Variants in COL4A4 observed in about 807,000 individuals in gnomAD.
The protein encoded by COL4A4 is collagen type IV alpha 4 chain.
In COL4A4, 105 loss-of-function variants were observed where a neutral mutation model predicts 192.9. That is an observed-to-expected ratio of 0.54 (90% CI 0.46 to 0.64). The LOEUF is 0.64. Among genes scored for constraint, COL4A4 ranks in the 30% least tolerant of loss-of-function variants. The pLI, the probability that COL4A4 is intolerant of heterozygous loss-of-function variation, is 0.00. For missense variants in COL4A4, 1,967 were observed against 2,169.3 expected (o/e 0.91, Z 1.85); for synonymous variants, 762 against 769.9 (o/e 0.99, Z 0.17).
At chr2:227,056,832 G>A (rs1196886257) in intron 29 of COL4A4, among the ~76,000 whole-genome samples, 1 of 152,226 alleles carries the variant, frequency 6.6e-6, no homozygotes, top group Non-Finnish European at 1.5e-5. Flanking sequence ...CCATCTGCCT[G>A]TGAGGACACA....
At chr2:227,009,205 C>A (rs1306429659) in intron 46 of COL4A4, among the ~76,000 whole-genome samples, 1 of 152,222 alleles carries the variant, frequency 6.6e-6, no homozygotes, top group African/African-American at 2.4e-5. Context: ...CAGGCTTGCA[C>A]TCTTTGACTA....
At chr2:227,129,768 T>G (rs1005304529) in intron 4 of COL4A4, among the ~76,000 whole-genome samples, 2 of 152,238 alleles carry the variant, frequency 1.3e-5, no homozygotes, top group African/African-American at 4.8e-5. Flanking sequence ...CTCAGCATCT[T>G]GACCACTGTC....
intron 25 of COL4A4, among the ~76,000 whole-genome samples, chr2:227,067,456 C>A (rs2058418783): frequency 6.6e-6 from 1 of 152,198 alleles, no homozygotes; most frequent in African/African-American, 2.4e-5. Context: ...AAATTGACCA[C>A]ATACTTGGAA....
chr2:226,969,113 T>C, the COL4A4 span: 1 of 185,746 alleles, frequency 5.4e-6, no homozygotes, highest in South Asian at 1.3e-4. Flanking sequence ...ACTCTTCCCA[T>C]GTCAGAACAC....
At chr2:227,161,207 G>C (rs1183683676) in intron 1 of COL4A4, among the ~76,000 whole-genome samples, 1 of 152,180 alleles carries the variant, frequency 6.6e-6, no homozygotes, top group Non-Finnish European at 1.5e-5. Context: ...TTCAACATCA[G>C]TAAAGAACAC....
At chr2:227,058,675 C>A (rs1345337122) in intron 28 of COL4A4, among the ~76,000 whole-genome samples, 3 of 152,152 alleles carry the variant, frequency 2.0e-5, no homozygotes, top group Non-Finnish European at 4.4e-5. Flanking sequence ...TCACCATCAC[C>A]CAAGAGGCCC....
At position 227,022,618 on chromosome 2, in the gene COL4A4, A is replaced by T. The variant is rs115132685; in HGVS notation, c.4091-445T>A. 2,524 of 512,318 alleles carry T rather than the reference A, an allele frequency of 4.9e-3. 29 individuals carry two copies. The highest frequency in any genetic ancestry group is 0.045 in the African/African-American group (2,341 of 51,456). 31.7% of individuals were successfully genotyped at this position (512,318 alleles called of 1,614,324 possible). A position where few individuals can be genotyped will look rare whatever the true frequency, so the allele number is the denominator to read the frequency against. On this transcript the variant is annotated intron_variant, in intron 43 of 47. Coordinates refer to ENST00000396625, the MANE Select transcript of COL4A4 (RefSeq NM_000092.5). ...TGAGTCCTTACTCTACACTGCAGCC[A>T]CGTGGGTTTCCATAGTGTCAGTCAC...
Position 227,123,486 on chromosome 2 carries a change from G to A in COL4A4, c.193-2338C>T, listed in dbSNP as rs1027629307. ...AGGTCAGGAACAGAGCGCGACCCAC[G>A]GAAGTGAAGGCAGCCAAGAAAGGGG... On this transcript the variant is annotated intron_variant, in intron 4 of 47. Coordinates refer to ENST00000396625, the MANE Select transcript of COL4A4 (RefSeq NM_000092.5). The surrounding 1 kb of genome is among the most constrained non-coding windows in gnomAD (Gnocchi z 4.6). 2.6e-5 allele frequency among the ~76,000 whole-genome samples: 4 copies of A among 152,210 alleles called. No homozygotes were observed. The highest frequency in any genetic ancestry group is 9.6e-5 in the African/African-American group (4 of 41,462).
chr2:227,032,706 G>A (rs78528488), intron 38 of COL4A4, among the ~76,000 whole-genome samples: 9 of 152,276 alleles, frequency 5.9e-5, no homozygotes, highest in African/African-American at 2.2e-4. Flanking sequence ...TAATCTATTT[G>A]GAGGATCTAC....
intron 7 of COL4A4, among the ~76,000 whole-genome samples, chr2:227,117,991 AG>A (rs2061581075): frequency 6.6e-6 from 1 of 152,216 alleles, no homozygotes; most frequent in Admixed American, 6.5e-5. Flanking sequence ...GGAAGGCAGA[AG>A]TTTGGAAGAG....
At chr2:227,145,552 C>T (rs2063496039) in intron 2 of COL4A4, among the ~76,000 whole-genome samples, 1 of 152,208 alleles carries the variant, frequency 6.6e-6, no homozygotes, top group Non-Finnish European at 1.5e-5. Context: ...CTTAAAACAG[C>T]TGTGGTTAGA....
the COL4A4 span, among the ~76,000 whole-genome samples, chr2:226,995,030 CAGA>C: frequency 1.3e-5 from 2 of 151,526 alleles, no homozygotes; most frequent in Non-Finnish European, 2.9e-5. Context: ...AAAGGCTGAT[CAGA>C]AGAAGCCAAA....
Position 227,003,004 on chromosome 2 carries a change from A to T in COL4A4, c.*4321T>A, listed in dbSNP as rs1367322676. 1 of 152,682 alleles carries T rather than the reference A, an allele frequency of 6.5e-6. No homozygotes were observed. Among genetic ancestry groups the T allele is most frequent in the Non-Finnish European group, 1.5e-5 (1 of 68,054 alleles). 9.5% of individuals were successfully genotyped at this position (152,682 alleles called of 1,614,324 possible). ...CATTATGCAGAGTTTCTAGCAGATG[A>T]TAACAGTGACAATTGCAGAGTACTG... On this transcript the variant is annotated 3_prime_UTR_variant, in exon 48 of 48. Transcript: ENST00000396625.
intron 37 of COL4A4, among the ~76,000 whole-genome samples, chr2:227,037,600 C>A (rs952249294): frequency 6.6e-6 from 1 of 152,132 alleles, no homozygotes; most frequent in Non-Finnish European, 1.5e-5. Context: ...GGGTATAAAC[C>A]CAGTAATGGG....
chr2:227,066,727 G>C (rs1430061963), intron 25 of COL4A4, among the ~76,000 whole-genome samples: 4 of 150,760 alleles, frequency 2.7e-5, no homozygotes, highest in Admixed American at 6.6e-5. Flanking sequence ...CGCTAAACAT[G>C]GAAAGGAACA....
rs1317535789 is a variant in COL4A4, at chr2:227,055,828, A to G, written c.2716+117T>C. 6 of 912,018 alleles carry G rather than the reference A, an allele frequency of 6.6e-6. No homozygotes were observed. In the African/African-American group the frequency reaches 6.7e-5, roughly 10 times the overall value. 56.5% of individuals were successfully genotyped at this position (912,018 alleles called of 1,614,324 possible). A position where few individuals can be genotyped will look rare whatever the true frequency, so the allele number is the denominator to read the frequency against. On this transcript the variant is annotated intron_variant, in intron 30 of 47. Coordinates refer to ENST00000396625, the MANE Select transcript of COL4A4 (RefSeq NM_000092.5). ...GAGCAAGGGAGGCATCATTAAGGGA[A>G]GGACAAAGCCAGACTAACAGTTAAC...
At chr2:227,053,544 T>TC (rs1974612545) in intron 31 of COL4A4, among the ~76,000 whole-genome samples, 1 of 18,642 alleles carries the variant, frequency 5.4e-5, no homozygotes, top group Non-Finnish European at 9.8e-5. Context: ...TTTCTTTTTC[T>TC]TTTTTTTTTT....
At chr2:227,002,184 A>G (rs1575658310), downstream of COL4A4, among the ~76,000 whole-genome samples, 1 of 151,334 alleles carries the variant, frequency 6.6e-6, no homozygotes, top group South Asian at 2.1e-4. Flanking sequence ...AAAAAAAAAA[A>G]AAAAAAAGGC....
chr2:226,976,475 A>T, the COL4A4 span, among the ~76,000 whole-genome samples: 1 of 152,012 alleles, frequency 6.6e-6, no homozygotes, highest in Non-Finnish European at 1.5e-5. Context: ...ACGCCTCCTT[A>T]CCTGGAAACC....
Sources: gnomAD v4.1 joint callset for allele counts (sites outside exome capture counted in the v4.1 genomes callset) on GRCh38, gnomAD v4.1.1 for gene constraint, Gnocchi (gnomAD v3.1) non-coding constraint, MANE v1.5 for transcripts, NCBI Gene and HGNC (gene_info 2026-07-23, HGNC 2026-07-21) for gene names.